FBXW7: variants seen among roughly 807,000 people sequenced by gnomAD.
FBXW7 encodes F-box and WD repeat domain containing 7.
In FBXW7, 11 loss-of-function variants were observed where a neutral mutation model predicts 86.3. That is an observed-to-expected ratio of 0.13 (90% CI 0.08 to 0.21). The LOEUF is 0.21. Among genes scored for constraint, FBXW7 ranks in the 10% least tolerant of loss-of-function variants. The pLI is 1.00. For missense variants in FBXW7, 488 were observed against 847.4 expected (o/e 0.58, Z 5.27); for synonymous variants, 313 against 297.9 (o/e 1.05, Z -0.52).
chr4:152,420,667 A>T (rs1284937045), intron 2 of FBXW7, among the ~76,000 whole-genome samples: 1 of 152,198 alleles, frequency 6.6e-6, no homozygotes, highest in African/African-American at 2.4e-5. Context: ...ATCTCCTTGT[A>T]CATCTCCATC....
In FBXW7 at chr4:152,326,275, C is replaced by G. The variant is rs2126498926; in HGVS notation, c.1419-44G>C. ...AAAAACAAAACAAAACAAAAAAACC[C>G]ACGTTTAGAATTTTTAATAATATGA... On this transcript the variant is annotated intron_variant, in intron 11 of 13. Transcript: ENST00000281708. The G allele has an allele frequency of 1.3e-6, 2 of 1,500,608 alleles. 1 individual carries two copies. The highest frequency in any genetic ancestry group is 1.8e-6 in the Non-Finnish European group (2 of 1,093,172). The allele number at this position is 1,500,608 out of a possible 1,614,324, so 93.0% of individuals were successfully genotyped here. A position where few individuals can be genotyped will look rare whatever the true frequency, so the allele number is the denominator to read the frequency against.
chr4:152,322,543 G>T lies in FBXW7; in HGVS notation c.*338C>A. 1 of 313,508 alleles carries T rather than the reference G, an allele frequency of 3.2e-6. No homozygotes were observed. Among genetic ancestry groups the T allele is most frequent in the Non-Finnish European group, 5.9e-6 (1 of 168,528 alleles). 19.4% of individuals were successfully genotyped at this position (313,508 alleles called of 1,614,324 possible). On this transcript the variant is annotated 3_prime_UTR_variant, in exon 14 of 14. Transcript: ENST00000281708. ...TAGCAGAATCTGTAATGATGTTTCA[G>T]CATTAACACTGCCCAATGACCACTG...
intron 2 of FBXW7, among the ~76,000 whole-genome samples, chr4:152,471,772 T>C (rs1387699038): frequency 6.6e-6 from 1 of 151,646 alleles, no homozygotes; most frequent in Non-Finnish European, 1.5e-5. Context: ...TGGTGGCACA[T>C]ACCTGCAGTC....
chr4:152,399,256 T>C (rs369065921), intron 4 of FBXW7, among the ~76,000 whole-genome samples: 3 of 152,142 alleles, frequency 2.0e-5, no homozygotes, highest in African/African-American at 7.2e-5. Flanking sequence ...AGTCATCTAC[T>C]AAACCATTAA....
At position 152,328,337 on chromosome 4, in the gene FBXW7, C is replaced by A. The variant is rs2126515422; in HGVS notation, c.1289G>T (p.Arg430Ile). The A allele has an allele frequency of 6.3e-7, 1 of 1,590,476 alleles. No individual in the cohort carries two copies. The highest frequency in any genetic ancestry group is 8.5e-7 in the Non-Finnish European group (1 of 1,170,136). The change falls in exon 11 of 14, where the codon AGA becomes ATA. Residue 430 changes from arginine to isoleucine, a missense_variant. Around this residue, in one of 4 missense-constraint regions of FBXW7, gnomAD observed 142 missense variants for 406.6 expected, o/e 0.35. Coordinates refer to ENST00000281708, the MANE Select transcript of FBXW7 (RefSeq NM_001349798.2). ...AGATCCACTAATGATGATGTTGTCT[C>A]TCATTTGTGATGACCATACTCCACC... ...HTGGVWSSQM[R>I]DNIIISGSTD...
At chr4:152,518,235 C>T (rs1385242412) in intron 2 of FBXW7, among the ~76,000 whole-genome samples, 2 of 151,842 alleles carry the variant, frequency 1.3e-5, no homozygotes, top group African/African-American at 2.4e-5. Context: ...GTGATCCACC[C>T]GCCTTGGACT....
intron 2 of FBXW7, among the ~76,000 whole-genome samples, chr4:152,412,841 G>A (rs1470793449): frequency 6.6e-6 from 1 of 152,096 alleles, no homozygotes; most frequent in African/African-American, 2.4e-5. Flanking sequence ...ATCTTAGGCA[G>A]TGGTATTACT....
intron 2 of FBXW7, among the ~76,000 whole-genome samples, chr4:152,509,292 T>C (rs1368354105): frequency 1.3e-5 from 2 of 152,186 alleles, no homozygotes; most frequent in Non-Finnish European, 1.5e-5. Flanking sequence ...CTGCATAAGA[T>C]GTTAAATTTT....
intron 2 of FBXW7, among the ~76,000 whole-genome samples, chr4:152,492,419 C>A (rs1056732129): frequency 6.6e-6 from 1 of 152,128 alleles, no homozygotes; most frequent in African/African-American, 2.4e-5. Flanking sequence ...ATTGCTGGAT[C>A]CAAAGGTGTA....
At chr4:152,450,486 G>A (rs1290434182) in intron 2 of FBXW7, among the ~76,000 whole-genome samples, 1 of 152,148 alleles carries the variant, frequency 6.6e-6, no homozygotes, top group Non-Finnish European at 1.5e-5. Context: ...CTATACCCCT[G>A]CTCTGTCACA....
At chr4:152,461,193 T>G (rs778663704) in intron 2 of FBXW7, among the ~76,000 whole-genome samples, 1 of 152,032 alleles carries the variant, frequency 6.6e-6, no homozygotes, top group African/African-American at 2.4e-5. Flanking sequence ...GCGGAGGTTG[T>G]GGTGAGCCGA....
chr4:152,443,246 G>C (rs1486910180), intron 2 of FBXW7, among the ~76,000 whole-genome samples: 1 of 152,092 alleles, frequency 6.6e-6, no homozygotes, highest in African/African-American at 2.4e-5. Context: ...TGGGCAACAA[G>C]AGTGAAACTC....
chr4:152,339,388 T>G (rs1351317558), intron 6 of FBXW7, among the ~76,000 whole-genome samples: 1 of 152,254 alleles, frequency 6.6e-6, no homozygotes, highest in Non-Finnish European at 1.5e-5. Context: ...TTGTTTGGTT[T>G]GGTTTCTCTC....
intron 2 of FBXW7, among the ~76,000 whole-genome samples, chr4:152,463,514 G>A (rs572999370): frequency 6.6e-6 from 1 of 152,002 alleles, no homozygotes; most frequent in East Asian, 1.9e-4. Context: ...AGTGGTCAGA[G>A]ATATTACAGG....
At chr4:152,523,346 T>C (rs1379934744) in intron 2 of FBXW7, among the ~76,000 whole-genome samples, 1 of 152,138 alleles carries the variant, frequency 6.6e-6, no homozygotes, top group African/African-American at 2.4e-5. Flanking sequence ...AAATTAAATG[T>C]ATCAGTTAAC....
At chr4:152,391,933 CTTCT>C in intron 4 of FBXW7, among the ~76,000 whole-genome samples, 1 of 152,168 alleles carries the variant, frequency 6.6e-6, no homozygotes, top group African/African-American at 2.4e-5. Context: ...TTCGGAGACA[CTTCT>C]TTGTCAGTGT....
chr4:152,444,572 A>G (rs568080018), intron 2 of FBXW7, among the ~76,000 whole-genome samples: 3 of 152,350 alleles, frequency 2.0e-5, no homozygotes, highest in Non-Finnish European at 2.9e-5. Context: ...ACCATAAGTC[A>G]GAAGGATAAT....
chr4:152,495,888 G>C (rs942367771), intron 2 of FBXW7, among the ~76,000 whole-genome samples: 1 of 152,202 alleles, frequency 6.6e-6, no homozygotes, highest in East Asian at 1.9e-4. Flanking sequence ...TTAGAAGTAA[G>C]AGTTTAGGCC....
chr4:152,393,394 C>G (rs189379441), intron 4 of FBXW7, among the ~76,000 whole-genome samples: 8 of 151,924 alleles, frequency 5.3e-5, no homozygotes, highest in African/African-American at 1.9e-4. Flanking sequence ...GATAATCTAA[C>G]TGATAGAGAA....
Sources: gnomAD v4.1 joint callset for allele counts (sites outside exome capture counted in the v4.1 genomes callset) on GRCh38, gnomAD v4.1.1 for gene constraint, gnomAD v4.1.1 regional missense constraint, MANE v1.5 for transcripts, NCBI Gene and HGNC (gene_info 2026-07-23, HGNC 2026-07-21) for gene names.